Variants in CTNNA2 observed in about 807,000 individuals in gnomAD.
CTNNA2 encodes catenin alpha 2, also known as catenin alpha-2.
A neutral mutation model predicts 101.0 loss-of-function variants in CTNNA2; 42 were observed. That is an observed-to-expected ratio of 0.42 (90% CI 0.32 to 0.54). The LOEUF (loss-of-function observed/expected upper bound fraction) is 0.54. CTNNA2 is among the 20% of genes least tolerant of loss of function. CTNNA2 has a pLI of 0.14. For synonymous variants in CTNNA2, 450 were observed against 456.4 expected (o/e 0.99, Z 0.18); for missense variants, 871 against 1,223.1 (o/e 0.71, Z 4.29).
intron 9 of CTNNA2, among the ~76,000 whole-genome samples, chr2:80,534,240 G>A (rs1214036585): frequency 6.6e-6 from 1 of 152,134 alleles, no homozygotes; most frequent in African/African-American, 2.4e-5. Context: ...CTGTAGTCAA[G>A]GGTACAATGC....
In CTNNA2 at chr2:79,617,137, C is replaced by T. The variant is rs189516637; in HGVS notation, c.-5-34415C>T. Among the ~76,000 whole-genome samples the T allele has an allele frequency of 4.1e-3, 630 of 152,116 alleles. 4 individuals are homozygous for T. Among genetic ancestry groups the T allele is most frequent in the Admixed American group, 4.3e-3 (66 of 15,266 alleles). On this transcript the variant is annotated intron_variant, in intron 1 of 18. Coordinates refer to ENST00000402739, the MANE Select transcript of CTNNA2 (RefSeq NM_001282597.3). ...CAGGCTAGTCTCGAACTCCTGACCT[C>T]GTGATCCGCCCACCTTGGCCTCCCA... is the stretch of plus-strand genomic sequence containing the variant.
intron 8 of CTNNA2, among the ~76,000 whole-genome samples, chr2:80,404,794 C>T (rs1227691618): frequency 6.6e-6 from 1 of 152,154 alleles, no homozygotes; most frequent in South Asian, 2.1e-4. Context: ...TTCACTACAG[C>T]AGTTGGTACA....
intron 3 of CTNNA2, among the ~76,000 whole-genome samples, chr2:79,800,308 C>A (rs996545689): frequency 2.0e-5 from 3 of 152,144 alleles, no homozygotes; most frequent in Middle Eastern, 3.4e-3. Flanking sequence ...AAAACGCTAG[C>A]CCCTCACCTC....
chr2:79,760,160 T>C (rs1384274997), intron 3 of CTNNA2, among the ~76,000 whole-genome samples: 1 of 152,116 alleles, frequency 6.6e-6, no homozygotes, highest in African/African-American at 2.4e-5. Context: ...GATTGTCATA[T>C]AGGCAAGGCA....
At chr2:79,726,178 T>C (rs939622974) in intron 2 of CTNNA2, among the ~76,000 whole-genome samples, 1 of 151,748 alleles carries the variant, frequency 6.6e-6, no homozygotes, top group African/African-American at 2.4e-5. Context: ...TTCTGTTGAA[T>C]TTCATGTTCA....
chr2:79,272,520 A>C (rs1675107787), intron 2 of CTNNA2, among the ~76,000 whole-genome samples: 1 of 152,118 alleles, frequency 6.6e-6, no homozygotes, highest in African/African-American at 2.4e-5. Flanking sequence ...AATATTACTT[A>C]TTGGACATCA....
intron 9 of CTNNA2, among the ~76,000 whole-genome samples, chr2:80,458,909 G>T (rs1031571559): frequency 3.3e-5 from 5 of 152,090 alleles, no homozygotes; most frequent in Non-Finnish European, 5.9e-5. Context: ...GTACACAATT[G>T]TGGTCCCATA....
At chr2:79,607,299 A>G (rs981542307) in intron 1 of CTNNA2, among the ~76,000 whole-genome samples, 5 of 152,180 alleles carry the variant, frequency 3.3e-5, no homozygotes, top group African/African-American at 1.2e-4. Context: ...AAACAGAAAA[A>G]TTTACATTAT....
At chr2:79,304,687 C>A (rs1474018555) in intron 2 of CTNNA2, among the ~76,000 whole-genome samples, 1 of 152,118 alleles carries the variant, frequency 6.6e-6, no homozygotes, top group Non-Finnish European at 1.5e-5. Flanking sequence ...GCTAAGAACT[C>A]AATAGGTATC....
chr2:80,574,434 CTCCTTATTAG>C (rs1160058482), intron 13 of CTNNA2, 120 bp downstream of exon 13: 1 of 1,243,794 alleles, frequency 8.0e-7, no homozygotes, highest in African/African-American at 1.5e-5. Flanking sequence ...AGCTGTTTGG[CTCCTTATTAG>C]TCAGACAAGG....
In CTNNA2 at chr2:79,941,706, C is replaced by T. The variant is rs10179469; in HGVS notation, c.1056+31909C>T. 2.5e-3 allele frequency among the ~76,000 whole-genome samples: 387 copies of T among 152,222 alleles called. 3 individuals carry two copies. Among genetic ancestry groups the T allele is most frequent in the African/African-American group, 8.6e-3 (355 of 41,520 alleles). The stretch of plus-strand genomic sequence containing the variant: ...AGATCTCGGCTCACTGCAACCTCCA[C>T]CTCCCAAGTTCAAGTGATTCTCCTG... On this transcript the variant is annotated intron_variant, in intron 7 of 18. Coordinates refer to ENST00000402739, the MANE Select transcript of CTNNA2 (RefSeq NM_001282597.3).
chr2:79,863,046 A>C (rs999770657), intron 4 of CTNNA2, among the ~76,000 whole-genome samples: 1 of 152,096 alleles, frequency 6.6e-6, no homozygotes, highest in Non-Finnish European at 1.5e-5. Context: ...GAGGCCTCAT[A>C]GTCTCAAAGT....
At chr2:79,817,582 T>A (rs1677625587) in intron 3 of CTNNA2, among the ~76,000 whole-genome samples, 1 of 152,106 alleles carries the variant, frequency 6.6e-6, no homozygotes, top group Admixed American at 6.5e-5. Context: ...GTTTTCCTCT[T>A]GGCACCAGGA....
intron 9 of CTNNA2, among the ~76,000 whole-genome samples, chr2:80,534,606 G>A (rs1460009037): frequency 6.6e-6 from 1 of 152,166 alleles, no homozygotes; most frequent in Non-Finnish European, 1.5e-5. Context: ...GTGGCTACTT[G>A]AGCAATCCTG....
intron 7 of CTNNA2, among the ~76,000 whole-genome samples, chr2:80,028,563 C>A (rs1695087506): frequency 6.6e-6 from 1 of 152,150 alleles, no homozygotes; most frequent in Admixed American, 6.5e-5. Context: ...CTCAAATATG[C>A]CCACATCTTA....
chr2:80,284,913 T>A (rs1674635720), intron 7 of CTNNA2, among the ~76,000 whole-genome samples: 1 of 152,124 alleles, frequency 6.6e-6, no homozygotes. Flanking sequence ...TCCCCCCAGC[T>A]AGACTGTGGA....
chr2:80,024,006 A>G (rs759295438), intron 7 of CTNNA2, among the ~76,000 whole-genome samples: 28 of 151,906 alleles, frequency 1.8e-4, no homozygotes, highest in South Asian at 1.0e-3. Context: ...AGAACGGCGT[A>G]AACCCGGGAG....
At chr2:80,077,347 T>G (rs1698826467) in intron 7 of CTNNA2, among the ~76,000 whole-genome samples, 2 of 152,152 alleles carry the variant, frequency 1.3e-5, no homozygotes, top group Admixed American at 1.3e-4. Context: ...TTATTCATAA[T>G]AGCTCCAAAC....
chr2:79,258,845 C>CCA (rs1439673096), intron 2 of CTNNA2, among the ~76,000 whole-genome samples: 1 of 91,400 alleles, frequency 1.1e-5, no homozygotes, highest in East Asian at 3.5e-4. Context: ...AATCCTCTAC[C>CCA]AAAAAAAAAA....
Sources: allele counts gnomAD v4.1 joint callset (sites outside exome capture counted in the v4.1 genomes callset), GRCh38; gene constraint gnomAD v4.1.1; transcripts MANE v1.5; gene names NCBI Gene and HGNC (gene_info 2026-07-23, HGNC 2026-07-21).